JAZF1: variants seen among roughly 807,000 people sequenced by gnomAD.
JAZF1 encodes the protein juxtaposed with another zinc finger protein 1.
JAZF1 carries 8 observed loss-of-function variants against 26.4 expected under a neutral mutation model. The observed-to-expected ratio is 0.30, with a 90% CI of 0.18 to 0.55. JAZF1 has a LOEUF of 0.55. Ranked by LOEUF, JAZF1 falls within the 20% of genes least tolerant of loss-of-function variation. The pLI, the probability that JAZF1 is intolerant of heterozygous loss-of-function variation, is 0.94. For missense variants in JAZF1, 199 were observed against 322.0 expected (o/e 0.62, Z 2.92); for synonymous variants, 126 against 122.3 (o/e 1.03, Z -0.20).
intron 3 of JAZF1, among the ~76,000 whole-genome samples, chr7:27,857,145 A>T (rs564750954): frequency 6.6e-6 from 1 of 152,290 alleles, no homozygotes; most frequent in South Asian, 2.1e-4. Context: ...GCAGGAGCCC[A>T]TGGGGGCGGG....
intron 1 of JAZF1, among the ~76,000 whole-genome samples, chr7:28,104,667 T>C (rs1247587389): frequency 6.6e-6 from 1 of 152,222 alleles, no homozygotes; most frequent in African/African-American, 2.4e-5. Flanking sequence ...TTTATTTATT[T>C]CAGTACCAAG....
intron 1 of JAZF1, among the ~76,000 whole-genome samples, chr7:28,084,482 C>A (rs1784183775): frequency 6.6e-6 from 1 of 152,184 alleles, no homozygotes; most frequent in African/African-American, 2.4e-5. Flanking sequence ...TCCAATCCAA[C>A]CTCCCTCAAA....
chr7:27,891,987 A>G (rs1783982551), intron 3 of JAZF1, among the ~76,000 whole-genome samples: 1 of 152,248 alleles, frequency 6.6e-6, no homozygotes, highest in South Asian at 2.1e-4. Flanking sequence ...AAGTTCCTAC[A>G]AGATGACTAT....
intron 1 of JAZF1, among the ~76,000 whole-genome samples, chr7:28,095,594 A>G (rs928619255): frequency 1.3e-5 from 2 of 152,128 alleles, no homozygotes; most frequent in African/African-American, 2.4e-5. Context: ...TGGGTACACA[A>G]ACCCTAACCA....
chr7:27,884,442 G>C (rs1339858462), intron 3 of JAZF1, among the ~76,000 whole-genome samples: 2 of 152,224 alleles, frequency 1.3e-5, no homozygotes, highest in Non-Finnish European at 2.9e-5. Context: ...ATAATTGGAT[G>C]AGCTTGATAA....
At chr7:28,174,821 G>GGTGTGTGTGTGTGT (rs58952216) in intron 1 of JAZF1, among the ~76,000 whole-genome samples, 1,490 of 107,774 alleles carry the variant, frequency 0.014, 150 homozygotes, top group African/African-American at 0.034. Context: ...GGGGTGTGTG[G>GGTGTGTGTGTGTGT]GTGTGTGTGT....
At chr7:27,846,413 A>G in intron 3 of JAZF1, 1 of 462,038 alleles carries the variant, frequency 2.2e-6, no homozygotes, top group Non-Finnish European at 4.5e-6. Context: ...ACATGTATAT[A>G]TATACATATA....
rs563174139 is a variant in JAZF1 at position 27,969,066 on chromosome 7, C to T, written c.188+22843G>A. Among the ~76,000 whole-genome samples, 425 of 152,284 alleles carry T rather than the reference C, an allele frequency of 2.8e-3. 3 individuals carry two copies. Among genetic ancestry groups the T allele is most frequent in the African/African-American group, 9.5e-3 (396 of 41,566 alleles). On this transcript the variant is annotated intron_variant, in intron 2 of 4. Transcript: ENST00000283928. ...ATGTGATGCCATTTATCCTTTTCTG[C>T]TAACCTTAGTCTGGTCAATAGGCAA...
intron 1 of JAZF1, among the ~76,000 whole-genome samples, chr7:28,144,606 A>G (rs1782999498): frequency 6.6e-6 from 1 of 152,252 alleles, no homozygotes; most frequent in Admixed American, 6.5e-5. Flanking sequence ...GCTGGAGAGG[A>G]AAGAGAAAAG....
At chr7:27,904,771 G>C (rs1784222859) in intron 2 of JAZF1, among the ~76,000 whole-genome samples, 1 of 152,134 alleles carries the variant, frequency 6.6e-6, no homozygotes, top group African/African-American at 2.4e-5. Flanking sequence ...GATCAGATCA[G>C]TTTGGCACTT....
chr7:27,878,468 G>A (rs1393364733), intron 3 of JAZF1, among the ~76,000 whole-genome samples: 1 of 152,004 alleles, frequency 6.6e-6, no homozygotes, highest in African/African-American at 2.4e-5. Context: ...TTTCTAAAAT[G>A]CTGGTTATAT....
chr7:28,070,676 A>C (rs1783962162), intron 1 of JAZF1, among the ~76,000 whole-genome samples: 1 of 152,202 alleles, frequency 6.6e-6, no homozygotes. Flanking sequence ...GCAATGTTTC[A>C]AGGTAGAGGA....
At chr7:28,132,666 T>C (rs946996307) in intron 1 of JAZF1, among the ~76,000 whole-genome samples, 1 of 152,298 alleles carries the variant, frequency 6.6e-6, no homozygotes, top group South Asian at 2.1e-4. Context: ...TTACCCTGCA[T>C]CCACATGCAT....
intron 1 of JAZF1, 45 bp downstream of exon 1, chr7:28,180,418 A>G (rs770797662): frequency 2.2e-6 from 3 of 1,345,772 alleles, no homozygotes; most frequent in Admixed American, 3.7e-5. Flanking sequence ...CCCGGGCAGG[A>G]GTTTCCGCGC....
At chr7:27,862,865 C>CT (rs1783408422) in intron 3 of JAZF1, among the ~76,000 whole-genome samples, 1 of 152,182 alleles carries the variant, frequency 6.6e-6, no homozygotes, top group African/African-American at 2.4e-5. Context: ...TGAAATCATT[C>CT]TTTTTTCTAG....
intron 2 of JAZF1, among the ~76,000 whole-genome samples, chr7:27,899,119 A>C (rs1428127997): frequency 6.6e-6 from 1 of 152,220 alleles, no homozygotes. Flanking sequence ...TAATTTAGTA[A>C]GTAAATTCTC....
intron 1 of JAZF1, among the ~76,000 whole-genome samples, chr7:28,092,099 A>G (rs1784306656): frequency 6.6e-6 from 1 of 151,992 alleles, no homozygotes; most frequent in Non-Finnish European, 1.5e-5. Flanking sequence ...GTTATTACAT[A>G]TGACTTCACA....
chr7:27,973,660 T>C lies in JAZF1; in HGVS notation c.188+18249A>G, dbSNP rs532918888. The stretch of plus-strand genomic sequence containing the variant: ...TATTTAAACAATTTATTCTCAGTGA[T>C]TGGGAAATCTTTGTAAAATAGATAG... On this transcript the variant is annotated intron_variant, in intron 2 of 4. Transcript: ENST00000283928. Among the ~76,000 whole-genome samples, 14 of 152,318 alleles carry C rather than the reference T, an allele frequency of 9.2e-5. No individual in the cohort carries two copies. The South Asian group carries it at 2.9e-3, about 32-fold the overall frequency.
intron 1 of JAZF1, among the ~76,000 whole-genome samples, chr7:28,120,501 C>CTTTTT (rs58448766): frequency 0.17 from 10,169 of 58,934 alleles, 3,292 homozygotes; most frequent in Middle Eastern, 0.29. Flanking sequence ...ACACACAGTT[C>CTTTTT]TTTTTTTTTT....
Sources: gnomAD v4.1 joint callset for allele counts (sites outside exome capture counted in the v4.1 genomes callset) on GRCh38, gnomAD v4.1.1 for gene constraint, MANE v1.5 for transcripts, NCBI Gene and HGNC (gene_info 2026-07-23, HGNC 2026-07-21) for gene names.